SLC9A7: variants seen among roughly 807,000 people sequenced by gnomAD.
SLC9A7 encodes the protein sodium/hydrogen exchanger 7.
Under a neutral mutation model 52.6 loss-of-function variants are expected in SLC9A7, and 19 were observed. That is an observed-to-expected ratio of 0.36 (90% CI 0.25 to 0.53). The LOEUF is 0.53. SLC9A7 is among the 20% of genes least tolerant of loss of function. The pLI, the probability that SLC9A7 is intolerant of heterozygous loss-of-function variation, is 0.91. For missense variants in SLC9A7, 455 were observed against 597.9 expected, an observed-to-expected ratio of 0.76 and a Z score of 2.49; for synonymous variants, 226 against 252.1, an observed-to-expected ratio of 0.90 and a Z score of 0.98.
chrX:46,731,941 G>T (rs1231713532), intron 1 of SLC9A7, among the ~76,000 whole-genome samples: 2 of 112,341 alleles, frequency 1.8e-5, no homozygotes, highest in African/African-American at 6.5e-5. Flanking sequence ...GACACTGAGG[G>T]CTGGGTGTGG....
chrX:46,732,550 C>G lies in SLC9A7; in HGVS notation c.325+26155G>C, dbSNP rs780028002. 3.1e-5 allele frequency among the ~76,000 whole-genome samples: 3 copies of G among 96,703 alleles called. No homozygotes were observed. The East Asian group carries it at 9.5e-4, about 31-fold the overall frequency. 84.0% of individuals were successfully genotyped at this position (96,703 alleles called of 115,157 possible). On this transcript the variant is annotated intron_variant, in intron 1 of 16. Coordinates refer to ENST00000616978, the MANE Select transcript of SLC9A7 (RefSeq NM_001257291.2). ...TCTGGGCGACAGATTGAGACTGTCTCAAGAAAAAAAAAAAAAATCCAAAAG... is the reference window on the plus strand; with the variant it reads ...TCTGGGCGACAGATTGAGACTGTCTGAAGAAAAAAAAAAAAAATCCAAAAG...
In SLC9A7 at chrX:46,725,254, C is replaced by T. The variant is rs1944924357; in HGVS notation, c.325+33451G>A. On this transcript the variant is annotated intron_variant, in intron 1 of 16. Coordinates refer to ENST00000616978, the MANE Select transcript of SLC9A7 (RefSeq NM_001257291.2). ...GGAACACCTTCCGGAATTGCAGGTGCAGATGCTGTCTCATACAAATAAGAA... is the reference window on the plus strand; with the variant it reads ...GGAACACCTTCCGGAATTGCAGGTGTAGATGCTGTCTCATACAAATAAGAA... The T allele has an allele frequency of 2.7e-6, 3 of 1,113,436 alleles. No homozygotes were observed. The East Asian group carries it at 9.0e-5, about 33-fold the overall frequency. 91.8% of individuals were successfully genotyped at this position (1,113,436 alleles called of 1,213,427 possible). A position where few individuals can be genotyped will look rare whatever the true frequency, so the allele number is the denominator to read the frequency against.
In SLC9A7 at chrX:46,599,714, A is replaced by AGTT. The variant is rs750890443; in HGVS notation, c.*7235_*7237dup. ...TAACGCCAAGTCTTTAATTTTTCAC[A>AGTT]GTTATACTTTAATGTCATTTTATAT... is the stretch of plus-strand genomic sequence containing the variant. On this transcript the variant is annotated 3_prime_UTR_variant, in exon 17 of 17. Transcript: ENST00000616978. The AGTT allele has an allele frequency of 5.4e-5, 6 of 111,733 alleles. No homozygotes were observed. The highest frequency in any genetic ancestry group is 1.3e-4 in the African/African-American group (4 of 30,788). The allele number at this position is 111,733 out of a possible 1,213,427, so 9.2% of individuals were successfully genotyped here.
intron 1 of SLC9A7, among the ~76,000 whole-genome samples, chrX:46,756,765 T>C (rs1420050402): frequency 2.7e-5 from 3 of 112,355 alleles, no homozygotes; most frequent in African/African-American, 9.7e-5. Context: ...TGAGATGATA[T>C]TGCCTTTTCT....
At chrX:46,708,108 G>A (rs1274801869) in intron 1 of SLC9A7, among the ~76,000 whole-genome samples, 3 of 112,512 alleles carry the variant, frequency 2.7e-5, no homozygotes, top group South Asian at 3.6e-4. Flanking sequence ...ACAAGAGCTC[G>A]AGACCAGCCT....
intron 11 of SLC9A7, among the ~76,000 whole-genome samples, chrX:46,644,337 T>C (rs1258279175): frequency 8.9e-6 from 1 of 112,262 alleles, no homozygotes; most frequent in Non-Finnish European, 1.9e-5. Context: ...ATTTATTTTA[T>C]AGTAAAGACT....
chrX:46,725,797 C>G, intron 1 of SLC9A7: 1 of 769,039 alleles, frequency 1.3e-6, no homozygotes, highest in Non-Finnish European at 2.0e-6. Flanking sequence ...TTGGGTTTCA[C>G]TTTCCCGAAG....
rs1944540947 is a variant in SLC9A7, at chrX:46,702,145, C to G, written c.326-19610G>C. 2.7e-5 allele frequency among the ~76,000 whole-genome samples: 3 copies of G among 111,619 alleles called. No individual in the cohort carries two copies. In the South Asian group the frequency reaches 1.2e-3, roughly 43 times the overall value. ...GAGTCAACCAGATTGACACATGGTT[C>G]TGGTTCATGTGGTCTCACTGCTGTG... On this transcript the variant is annotated intron_variant, in intron 1 of 16. Transcript: ENST00000616978.
chrX:46,632,664 T>A (rs1204617954), intron 13 of SLC9A7, among the ~76,000 whole-genome samples: 1 of 111,619 alleles, frequency 9.0e-6, no homozygotes, highest in East Asian at 2.8e-4. Context: ...CCCGTTTCTC[T>A]CCCCTGCTGC....
intron 15 of SLC9A7, among the ~76,000 whole-genome samples, chrX:46,619,501 G>A (rs1943007811): frequency 9.0e-6 from 1 of 111,643 alleles, no homozygotes; most frequent in Non-Finnish European, 1.9e-5. Flanking sequence ...TATGGAACAA[G>A]GAGAACAAAT....
intron 13 of SLC9A7, among the ~76,000 whole-genome samples, chrX:46,633,455 G>A (rs778957619): frequency 6.0e-5 from 6 of 100,068 alleles, no homozygotes; most frequent in South Asian, 9.4e-4. Context: ...ACTTTAGGGC[G>A]ATTTAGTAAT....
chrX:46,616,343 AAAAAACAAAAC>A (rs1942952417), intron 15 of SLC9A7, among the ~76,000 whole-genome samples: 1 of 108,757 alleles, frequency 9.2e-6, no homozygotes, highest in Non-Finnish European at 1.9e-5. Flanking sequence ...CCCCCCCAAA[AAAAAACAAAAC>A]AAAAACAAAA....
intron 16 of SLC9A7, among the ~76,000 whole-genome samples, chrX:46,607,607 C>T (rs1287417426): frequency 1.8e-5 from 2 of 110,937 alleles, no homozygotes; most frequent in Non-Finnish European, 3.8e-5. Context: ...CTATACAAAC[C>T]GTCTCCAACC....
chrX:46,718,399 T>C (rs1036107320), intron 1 of SLC9A7, among the ~76,000 whole-genome samples: 40 of 112,166 alleles, frequency 3.6e-4, no homozygotes, highest in African/African-American at 1.2e-3. Context: ...AAGGACTTCA[T>C]GTCTAAAACA....
chrX:46,742,355 C>T (rs544320496), intron 1 of SLC9A7, among the ~76,000 whole-genome samples: 2 of 110,149 alleles, frequency 1.8e-5, no homozygotes, highest in East Asian at 2.8e-4. Context: ...ATCAAAAACT[C>T]GAAACAAGCC....
At chrX:46,714,305 T>C (rs1166197014) in intron 1 of SLC9A7, among the ~76,000 whole-genome samples, 3 of 111,582 alleles carry the variant, frequency 2.7e-5, no homozygotes, top group Non-Finnish European at 5.6e-5. Context: ...TACTTCCAAT[T>C]CCAAAGCCAG....
At chrX:46,643,469 G>T in intron 11 of SLC9A7, 80 bp from the exon 12 acceptor site, 1 of 980,900 alleles carries the variant, frequency 1.0e-6, no homozygotes, top group Non-Finnish European at 1.4e-6. Flanking sequence ...GCCATTTGGG[G>T]CTAATAAACT....
chrX:46,723,606 G>T (rs1261525010), intron 1 of SLC9A7, among the ~76,000 whole-genome samples: 1 of 111,453 alleles, frequency 9.0e-6, no homozygotes, highest in East Asian at 2.8e-4. Context: ...AGCGGGTCAA[G>T]AAATGTGATA....
chrX:46,643,130 G>T, intron 12 of SLC9A7, 106 bp downstream of exon 12: 4 of 764,568 alleles, frequency 5.2e-6, no homozygotes, highest in Non-Finnish European at 7.3e-6. Context: ...ACCAAAGACT[G>T]TAAAAGGTTT....
Sources: allele counts gnomAD v4.1 joint callset (sites outside exome capture counted in the v4.1 genomes callset), GRCh38; gene constraint gnomAD v4.1.1; transcripts MANE v1.5; gene names NCBI Gene and HGNC (gene_info 2026-07-23, HGNC 2026-07-21).